CATSPERQ: variants seen among roughly 807,000 people sequenced by gnomAD.
CATSPERQ encodes the protein catsper channel auxiliary subunit theta.
the CATSPERQ span, chr8:144,353,695 C>T: frequency 1.3e-6 from 2 of 1,505,142 alleles, no homozygotes; most frequent in South Asian, 1.2e-5. Flanking sequence ...CCTCTGCGTG[C>T]GGAAACGGCC....
chr8:144,354,574 T>G, the CATSPERQ span: 12 of 322,944 alleles, frequency 3.7e-5, no homozygotes, highest in Non-Finnish European at 4.8e-5. The surrounding 1 kb of genome is among the most constrained non-coding windows in gnomAD (Gnocchi z 4.6). Context: ...GCCCCGCCCT[T>G]CCCAGCCCCG....
the CATSPERQ span, chr8:144,354,370 C>T: frequency 6.6e-7 from 1 of 1,515,844 alleles, no homozygotes; most frequent in Non-Finnish European, 8.8e-7. This position sits in a 1 kb window ranked among gnomAD's most constrained non-coding sequence, Gnocchi z 4.6. Context: ...CCCGGCCCTG[C>T]CCGCAGCCGG....
At chr8:144,354,210 G>A in the CATSPERQ span, 7 of 1,546,716 alleles carry the variant, frequency 4.5e-6, no homozygotes, top group South Asian at 4.7e-5. This position sits in a 1 kb window ranked among gnomAD's most constrained non-coding sequence, Gnocchi z 4.6. Flanking sequence ...GAGGAGGGCG[G>A]TGGGGGTCGG....
chr8:144,354,557 C>CGG, the CATSPERQ span: 3 of 751,322 alleles, frequency 4.0e-6, no homozygotes, highest in Non-Finnish European at 6.2e-6. This position sits in a 1 kb window ranked among gnomAD's most constrained non-coding sequence, Gnocchi z 4.6. Context: ...CGTCTCCCTC[C>CGG]TCCCCCGCCC....
At chr8:144,354,404 C>T in the CATSPERQ span, 4 of 1,472,140 alleles carry the variant, frequency 2.7e-6, no homozygotes, top group East Asian at 7.4e-5. This position sits in a 1 kb window ranked among gnomAD's most constrained non-coding sequence, Gnocchi z 4.6. Flanking sequence ...AAGGCTTGGC[C>T]CGGACTAGCT....
At chr8:144,354,542 G>A in the CATSPERQ span, 1 of 1,437,126 alleles carries the variant, frequency 7.0e-7, no homozygotes, top group Non-Finnish European at 9.2e-7. This position sits in a 1 kb window ranked among gnomAD's most constrained non-coding sequence, Gnocchi z 4.6. Context: ...TTCAGGCCTC[G>A]GGCCCGTCTC....
the CATSPERQ span, chr8:144,354,444 T>A: frequency 7.7e-7 from 1 of 1,306,714 alleles, no homozygotes; most frequent in Non-Finnish European, 1.0e-6. This position sits in a 1 kb window ranked among gnomAD's most constrained non-coding sequence, Gnocchi z 4.6. Flanking sequence ...GGAGGCGACG[T>A]CTCGCCTGCG....
the CATSPERQ span, chr8:144,354,406 G>A: frequency 4.1e-6 from 6 of 1,452,520 alleles, no homozygotes; most frequent in East Asian, 7.5e-5. The surrounding 1 kb of genome is among the most constrained non-coding windows in gnomAD (Gnocchi z 4.6). Context: ...GGCTTGGCCC[G>A]GACTAGCTGG....
the CATSPERQ span, chr8:144,354,405 C>A: frequency 6.1e-6 from 9 of 1,470,200 alleles, no homozygotes; most frequent in Non-Finnish European, 8.2e-6. This position sits in a 1 kb window ranked among gnomAD's most constrained non-coding sequence, Gnocchi z 4.6. Context: ...AGGCTTGGCC[C>A]GGACTAGCTG....
At chr8:144,354,270 G>A in the CATSPERQ span, 4 of 1,535,712 alleles carry the variant, frequency 2.6e-6, no homozygotes, top group East Asian at 4.9e-5. This position sits in a 1 kb window ranked among gnomAD's most constrained non-coding sequence, Gnocchi z 4.6. Flanking sequence ...CCAGGACCAC[G>A]CTGATGATGA....
chr8:144,353,985 C>G, the CATSPERQ span: 542 of 1,534,596 alleles, frequency 3.5e-4, 1 homozygote, highest in African/African-American at 6.8e-3. Context: ...GCACGTAGAC[C>G]AGATGCAAGG....
the CATSPERQ span, chr8:144,354,551 T>TCCCA: frequency 8.2e-7 from 1 of 1,224,578 alleles, no homozygotes; most frequent in Non-Finnish European, 1.1e-6. The surrounding 1 kb of genome is among the most constrained non-coding windows in gnomAD (Gnocchi z 4.6). Flanking sequence ...CGGGCCCGTC[T>TCCCA]CCCTCCTCCC....
At chr8:144,353,630 GAA>G in the CATSPERQ span, 1 of 1,458,096 alleles carries the variant, frequency 6.9e-7, no homozygotes, top group Admixed American at 2.2e-5. Flanking sequence ...CGTCCTGCCC[GAA>G]GCCCCGGCGC....
At chr8:144,354,063 G>A in the CATSPERQ span, 1 of 1,535,398 alleles carries the variant, frequency 6.5e-7, no homozygotes, top group Non-Finnish European at 8.7e-7. This position sits in a 1 kb window ranked among gnomAD's most constrained non-coding sequence, Gnocchi z 4.6. Flanking sequence ...TCAGCACCAG[G>A]CGGCGCCGCG....
At chr8:144,354,557 C>CAG in the CATSPERQ span, 7 of 751,306 alleles carry the variant, frequency 9.3e-6, no homozygotes, top group Non-Finnish European at 1.5e-5. The surrounding 1 kb of genome is among the most constrained non-coding windows in gnomAD (Gnocchi z 4.6). Flanking sequence ...CGTCTCCCTC[C>CAG]TCCCCCGCCC....
At chr8:144,353,394 G>A in the CATSPERQ span, 1 of 1,535,622 alleles carries the variant, frequency 6.5e-7, no homozygotes, top group Non-Finnish European at 8.7e-7. Flanking sequence ...GTGACCCATG[G>A]GGCTCTTGCC....
At chr8:144,353,687 T>C in the CATSPERQ span, 2 of 1,498,998 alleles carry the variant, frequency 1.3e-6, no homozygotes, top group Non-Finnish European at 8.9e-7. Flanking sequence ...GTATTTACCC[T>C]CTGCGTGCGG....
At chr8:144,354,831 G>A in the CATSPERQ span, 1 of 1,507,072 alleles carries the variant, frequency 6.6e-7, no homozygotes, top group Non-Finnish European at 8.9e-7. The surrounding 1 kb of genome is among the most constrained non-coding windows in gnomAD (Gnocchi z 4.6). Context: ...TGCCCACAGC[G>A]GCACTCCTAC....
the CATSPERQ span, chr8:144,354,909 G>A: frequency 1.0e-5 from 14 of 1,366,932 alleles, no homozygotes; most frequent in South Asian, 1.6e-4. This position sits in a 1 kb window ranked among gnomAD's most constrained non-coding sequence, Gnocchi z 4.6. Flanking sequence ...GACTGACAGG[G>A]CAGCGAGGCC....
Sources: gnomAD v4.1 joint callset for allele counts on GRCh38, gnomAD v4.1.1 for gene constraint, Gnocchi (gnomAD v3.1) non-coding constraint, MANE v1.5 for transcripts, NCBI Gene and HGNC (gene_info 2026-07-23, HGNC 2026-07-21) for gene names.